The following KIRREL3 variants were observed in gnomAD, a reference collection of about 807,000 sequenced individuals.
KIRREL3 encodes the protein kin of IRRE-like protein 3.
KIRREL3 carries 36 observed loss-of-function variants against 89.7 expected under a neutral mutation model. That is an observed-to-expected ratio of 0.40 (90% CI 0.31 to 0.53). The LOEUF (loss-of-function observed/expected upper bound fraction) is 0.53. Among genes scored for constraint, KIRREL3 ranks in the 20% least tolerant of loss-of-function variants. The probability of loss-of-function intolerance (pLI) is 0.49; values close to 1 mark genes in which losing one functional copy is unlikely to be tolerated. For missense variants in KIRREL3, 864 were observed against 1,056.6 expected, an observed-to-expected ratio of 0.82 and a Z score of 2.53; for synonymous variants, 445 against 441.4, an observed-to-expected ratio of 1.01 and a Z score of -0.10.
chr11:126,572,572 ACCC>A (rs56397539), intron 1 of KIRREL3, among the ~76,000 whole-genome samples: 9 of 139,936 alleles, frequency 6.4e-5, no homozygotes, highest in East Asian at 4.6e-4. Flanking sequence ...GGAAGAGGGG[ACCC>A]CCCCCCCGCC....
Position 126,574,383 on chromosome 11 carries a change from A to G in KIRREL3, c.56-11471T>C, listed in dbSNP as rs1224507592. Among the ~76,000 whole-genome samples the G allele has an allele frequency of 6.6e-6, 1 of 152,104 alleles. No homozygotes were observed. Among genetic ancestry groups the G allele is most frequent in the Non-Finnish European group, 1.5e-5 (1 of 68,020 alleles). ...AGCTCTTTTCTTCTCTTTAATGATA[A>G]CCTTTCAGCAGTGAGTGGGCAAAGG... On this transcript the variant is annotated intron_variant, in intron 1 of 16. Transcript: ENST00000525144. This position sits in a 1 kb window ranked among gnomAD's most constrained non-coding sequence, Gnocchi z 5.3.
chr11:126,626,831 C>T (rs1272787801), intron 1 of KIRREL3, among the ~76,000 whole-genome samples: 1 of 152,042 alleles, frequency 6.6e-6, no homozygotes, highest in Non-Finnish European at 1.5e-5. Context: ...CCATGTTTCA[C>T]CCCATGTTTC....
intron 4 of KIRREL3, among the ~76,000 whole-genome samples, chr11:126,509,516 CTTTTTTCCT>C (rs1399590943): frequency 6.6e-6 from 1 of 152,222 alleles, no homozygotes; most frequent in Non-Finnish European, 1.5e-5. Context: ...TCTCCATCCT[CTTTTTTCCT>C]TTTTTTCCCC....
At chr11:126,975,833 C>T (rs1949549191) in intron 1 of KIRREL3, among the ~76,000 whole-genome samples, 2 of 152,114 alleles carry the variant, frequency 1.3e-5, no homozygotes, top group Non-Finnish European at 2.9e-5. Context: ...ATGCTAAGTT[C>T]GCTAAGTTCC....
chr11:126,424,662 G>C lies in KIRREL3; in HGVS notation c.2255C>G (p.Ser752Cys). 1 of 1,614,062 alleles carries C rather than the reference G, an allele frequency of 6.2e-7. No individual in the cohort carries two copies. Among genetic ancestry groups the C allele is most frequent in the Middle Eastern group, 1.6e-4 (1 of 6,062 alleles). The change falls in exon 17 of 17, where the codon TCC becomes TGC. Residue 752 changes from serine to cysteine, a missense_variant. Physicochemically the swap from Ser to Cys is moderately radical, Grantham distance 112. Coordinates refer to ENST00000525144, the MANE Select transcript of KIRREL3 (RefSeq NM_032531.4). ...CGAGGACTGGGAGTGGTGGGAGGAG[G>C]AAGCAGAAGCCTTGCTGGCCTTGTC... Reference protein sequence around the residue: ...QFDKASKASASSSHHSQSSSQ... With the variant: ...QFDKASKASACSSHHSQSSSQ...
Position 126,831,960 on chromosome 11 carries a change from A to T in KIRREL3, c.55+168495T>A, listed in dbSNP as rs11607486. Among the ~76,000 whole-genome samples the T allele has an allele frequency of 2.2e-3, 340 of 152,378 alleles. 1 individual carries two copies. The highest frequency in any genetic ancestry group is 4.2e-3 in the Admixed American group (65 of 15,310). On this transcript the variant is annotated intron_variant, in intron 1 of 16. Transcript: ENST00000525144. ...CTGGTTGACACACAGATATTAATGCATCTAACCCTCTAAACTGTACAGATA... is the reference window on the plus strand; with the variant it reads ...CTGGTTGACACACAGATATTAATGCTTCTAACCCTCTAAACTGTACAGATA...
chr11:126,998,005 G>C (rs549428074), intron 1 of KIRREL3, among the ~76,000 whole-genome samples: 3 of 152,168 alleles, frequency 2.0e-5, no homozygotes, highest in South Asian at 2.1e-4. Flanking sequence ...CGGGTGGGGG[G>C]GTGTAACCTC....
In KIRREL3 at chr11:126,896,646, C is replaced by T. The variant is rs924953859; in HGVS notation, c.55+103809G>A. ...GCCCACCATGCAGTGCATGGGAGAC[C>T]GAGGGAATGGCTGGGACTTTAATTC... On this transcript the variant is annotated intron_variant, in intron 1 of 16. Coordinates refer to ENST00000525144, the MANE Select transcript of KIRREL3 (RefSeq NM_032531.4). The surrounding 1 kb of genome is among the most constrained non-coding windows in gnomAD (Gnocchi z 4.1). Among the ~76,000 whole-genome samples the T allele has an allele frequency of 2.0e-5, 3 of 152,158 alleles. No homozygotes were observed. The highest frequency in any genetic ancestry group is 7.2e-5 in the African/African-American group (3 of 41,516).
chr11:126,490,455 G>C lies in KIRREL3; in HGVS notation c.434-16989C>G, dbSNP rs140431062. ...TGCTCAGAAAAGACCATGTAGGCCT[G>C]TGTTCCACGGGTGCTCAGAAATCCT... On this transcript the variant is annotated intron_variant, in intron 4 of 16. Coordinates refer to ENST00000525144, the MANE Select transcript of KIRREL3 (RefSeq NM_032531.4). This position sits in a 1 kb window ranked among gnomAD's most constrained non-coding sequence, Gnocchi z 4.2. Among the ~76,000 whole-genome samples the C allele has an allele frequency of 3.9e-5, 6 of 152,166 alleles. No homozygotes were observed. In the East Asian group the frequency reaches 1.2e-3, roughly 30 times the overall value.
rs1939419006 is a variant in KIRREL3 at position 126,553,139 on chromosome 11, C to G, written c.133+9696G>C. Among the ~76,000 whole-genome samples the G allele has an allele frequency of 6.6e-6, 1 of 152,184 alleles. No individual in the cohort carries two copies. Among genetic ancestry groups the G allele is most frequent in the African/African-American group, 2.4e-5 (1 of 41,458 alleles). On this transcript the variant is annotated intron_variant, in intron 2 of 16. Transcript: ENST00000525144. The surrounding 1 kb of genome is among the most constrained non-coding windows in gnomAD (Gnocchi z 4.7). Reference sequence around the variant, plus strand: ...AATATTTCAATAGCCTGTTGTATTTCTCTATCAAATTCTTACTCTAAGGAG... The same window carrying G: ...AATATTTCAATAGCCTGTTGTATTTGTCTATCAAATTCTTACTCTAAGGAG...
At position 126,463,407 on chromosome 11, in the gene KIRREL3, G is replaced by A; in HGVS notation, c.592-100C>T. The stretch of plus-strand genomic sequence containing the variant: ...CGAGCACCAGCTTAGACAGAAGGGG[G>A]AGCTGTGGATGGAGGGGTTCAGCTT... On this transcript the variant is annotated intron_variant, in intron 5 of 16. Coordinates refer to ENST00000525144, the MANE Select transcript of KIRREL3 (RefSeq NM_032531.4). The surrounding 1 kb of genome is among the most constrained non-coding windows in gnomAD (Gnocchi z 5.9). The A allele has an allele frequency of 1.6e-6, 2 of 1,240,390 alleles. No individual in the cohort carries two copies. Among genetic ancestry groups the A allele is most frequent in the East Asian group, 2.5e-5 (1 of 40,056 alleles). 76.8% of individuals were successfully genotyped at this position (1,240,390 alleles called of 1,614,324 possible).
At chr11:126,781,631 A>T (rs1390573675) in intron 1 of KIRREL3, among the ~76,000 whole-genome samples, 1 of 152,184 alleles carries the variant, frequency 6.6e-6, no homozygotes, top group Non-Finnish European at 1.5e-5. Flanking sequence ...GCTATTAAAA[A>T]CATTTATTCT....
chr11:126,940,417 T>C lies in KIRREL3; in HGVS notation c.55+60038A>G, dbSNP rs1056576236. 2.0e-5 allele frequency: 3 copies of C among 152,126 alleles called. No homozygotes were observed. The highest frequency in any genetic ancestry group is 2.9e-5 in the Non-Finnish European group (2 of 68,028). The allele number at this position is 152,126 out of a possible 1,614,324, so 9.4% of individuals were successfully genotyped here. A position where few individuals can be genotyped will look rare whatever the true frequency, so the allele number is the denominator to read the frequency against. ...CCTAGATTATGAAAAAGTATAATTA[T>C]ATGCAATTAAAAAATGAACAGTATT... is the stretch of plus-strand genomic sequence containing the variant. On this transcript the variant is annotated intron_variant, in intron 1 of 16. Coordinates refer to ENST00000525144, the MANE Select transcript of KIRREL3 (RefSeq NM_032531.4). This position sits in a 1 kb window ranked among gnomAD's most constrained non-coding sequence, Gnocchi z 4.6.
chr11:126,974,705 G>T (rs962621177), intron 1 of KIRREL3, among the ~76,000 whole-genome samples: 4 of 151,872 alleles, frequency 2.6e-5, no homozygotes, highest in Admixed American at 2.6e-4. Flanking sequence ...TAGGTTACAT[G>T]TATAGCCTGT....
At chr11:126,745,880 T>C (rs1949133047) in intron 1 of KIRREL3, among the ~76,000 whole-genome samples, 1 of 152,214 alleles carries the variant, frequency 6.6e-6, no homozygotes, top group Non-Finnish European at 1.5e-5. Flanking sequence ...CGTTTATCAA[T>C]GTACAAGTCC....
rs1950293853 is a variant in KIRREL3, at chr11:126,780,402, C to CT, written c.56-217491dup. 6.6e-6 allele frequency among the ~76,000 whole-genome samples: 1 copy of CT among 152,176 alleles called. No individual in the cohort carries two copies. The highest frequency in any genetic ancestry group is 2.4e-5 in the African/African-American group (1 of 41,448). On this transcript the variant is annotated intron_variant, in intron 1 of 16. Coordinates refer to ENST00000525144, the MANE Select transcript of KIRREL3 (RefSeq NM_032531.4). The surrounding 1 kb of genome is among the most constrained non-coding windows in gnomAD (Gnocchi z 5.3). ...TTCGTGGGGAAGCCTGACAGGGTTT[C>CT]TTTTAACTTAATGTTTGCTGAACCA...
At chr11:126,493,293 G>A (rs12421280) in intron 4 of KIRREL3, among the ~76,000 whole-genome samples, 27,034 of 152,054 alleles carry the variant, frequency 0.18, 3,897 homozygotes, top group East Asian at 0.75. Context: ...AGGCCGAGAC[G>A]GGTGGATCAC....
In KIRREL3 at chr11:126,579,192, C is replaced by T. The variant is rs4935977; in HGVS notation, c.56-16280G>A. ...TGAACGGGTCGTCTAAAACAGATGACGCTGGTGCGGGCCCCAGGGAGTTCC... is the reference window on the plus strand; with the variant it reads ...TGAACGGGTCGTCTAAAACAGATGATGCTGGTGCGGGCCCCAGGGAGTTCC... On this transcript the variant is annotated intron_variant, in intron 1 of 16. Transcript: ENST00000525144. This position sits in a 1 kb window ranked among gnomAD's most constrained non-coding sequence, Gnocchi z 5.3. Among the ~76,000 whole-genome samples, 30,365 of 152,020 alleles carry T rather than the reference C, an allele frequency of 0.2. 3,745 individuals are homozygous for T. The highest frequency in any genetic ancestry group is 0.38 in the South Asian group (1,809 of 4,790).
At chr11:126,857,892 C>A (rs1230256167) in intron 1 of KIRREL3, among the ~76,000 whole-genome samples, 1 of 152,024 alleles carries the variant, frequency 6.6e-6, no homozygotes, top group African/African-American at 2.4e-5. Context: ...AGAAACCTAC[C>A]GCTATCCTCT....
Sources: allele counts gnomAD v4.1 joint callset (sites outside exome capture counted in the v4.1 genomes callset), GRCh38; gene constraint gnomAD v4.1.1; non-coding constraint Gnocchi (gnomAD v3.1); transcripts MANE v1.5; gene names NCBI Gene and HGNC (gene_info 2026-07-23, HGNC 2026-07-21).